Variants in PDE7B observed in about 807,000 individuals in gnomAD.
PDE7B encodes the protein 3',5'-cyclic-AMP phosphodiesterase 7B.
A neutral mutation model predicts 56.2 loss-of-function variants in PDE7B; 29 were observed. That is an observed-to-expected ratio of 0.52 (90% confidence interval 0.38 to 0.70). The LOEUF is 0.70. Among genes scored for constraint, PDE7B ranks in the 30% least tolerant of loss-of-function variants. The probability of loss-of-function intolerance (pLI) is 0.00; values close to 1 mark genes in which losing one functional copy is unlikely to be tolerated. For synonymous variants in PDE7B, 197 were observed against 196.9 expected (o/e 1.00, Z 0.00); for missense variants, 490 against 565.0 (o/e 0.87, Z 1.35).
chr6:135,870,067 TG>T (rs1775346253), intron 1 of PDE7B, among the ~76,000 whole-genome samples: 1 of 151,994 alleles, frequency 6.6e-6, no homozygotes. Flanking sequence ...CTGACTCCAG[TG>T]TGGAGAATGG....
intron 3 of PDE7B, among the ~76,000 whole-genome samples, chr6:136,126,726 C>G (rs927125595): frequency 2.0e-5 from 3 of 152,194 alleles, no homozygotes; most frequent in Admixed American, 2.0e-4. Context: ...ATCGTATGTT[C>G]TCACTCATAA....
intron 3 of PDE7B, among the ~76,000 whole-genome samples, chr6:136,130,459 C>T (rs529374561): frequency 2.4e-4 from 37 of 152,298 alleles, no homozygotes; most frequent in African/African-American, 7.5e-4. Context: ...CAAGTGTGAG[C>T]GGCAAAGTAG....
chr6:135,867,402 A>G (rs1358782396), intron 1 of PDE7B, among the ~76,000 whole-genome samples: 1 of 152,172 alleles, frequency 6.6e-6, no homozygotes, highest in Non-Finnish European at 1.5e-5. Context: ...AAAACATGTT[A>G]ATACATCGTA....
At chr6:136,148,172 A>G (rs1778448066) in intron 4 of PDE7B, among the ~76,000 whole-genome samples, 1 of 152,038 alleles carries the variant, frequency 6.6e-6, no homozygotes, top group Non-Finnish European at 1.5e-5. Context: ...AAGTGATATT[A>G]TACTATTTAT....
chr6:135,922,095 G>T (rs1285170683), intron 1 of PDE7B, among the ~76,000 whole-genome samples: 1 of 152,126 alleles, frequency 6.6e-6, no homozygotes, highest in East Asian at 1.9e-4. Context: ...GGTCAATCTT[G>T]CATCCAAGTT....
intron 1 of PDE7B, among the ~76,000 whole-genome samples, chr6:135,937,189 C>A (rs142146370): frequency 1.8e-3 from 277 of 152,338 alleles, no homozygotes; most frequent in African/African-American, 6.2e-3. Flanking sequence ...AACGTGGCTG[C>A]TGCGTGTGGT....
chr6:136,099,083 T>C (rs561804316), intron 2 of PDE7B, among the ~76,000 whole-genome samples: 98 of 152,236 alleles, frequency 6.4e-4, no homozygotes, highest in African/African-American at 2.3e-3. Context: ...GCTTCATCCA[T>C]GTCCCTGCAA....
At chr6:136,041,859 G>T (rs902840858) in intron 2 of PDE7B, among the ~76,000 whole-genome samples, 2 of 152,122 alleles carry the variant, frequency 1.3e-5, no homozygotes, top group Non-Finnish European at 2.9e-5. Context: ...AGGCATCCGG[G>T]ATCACACACT....
At chr6:135,946,789 T>A (rs146784531) in intron 1 of PDE7B, among the ~76,000 whole-genome samples, 95 of 152,236 alleles carry the variant, frequency 6.2e-4, no homozygotes, top group African/African-American at 2.2e-3. Context: ...TATGTATACA[T>A]TCAAGTACTA....
chr6:136,024,221 C>T (rs150768372), intron 2 of PDE7B, among the ~76,000 whole-genome samples: 5 of 152,090 alleles, frequency 3.3e-5, no homozygotes, highest in African/African-American at 4.8e-5. Context: ...GAAATGGATC[C>T]GGAGAATTTT....
intron 1 of PDE7B, among the ~76,000 whole-genome samples, chr6:135,928,398 A>G (rs1774225501): frequency 1.4e-5 from 2 of 143,822 alleles, no homozygotes; most frequent in African/African-American, 2.5e-5. Context: ...CTAGATGTCC[A>G]TCAATGGCAG....
intron 2 of PDE7B, among the ~76,000 whole-genome samples, chr6:135,957,505 T>C (rs1774818641): frequency 6.6e-6 from 1 of 152,118 alleles, no homozygotes; most frequent in Non-Finnish European, 1.5e-5. Context: ...CTTAACTGCT[T>C]CCCGGTCCTT....
chr6:135,887,016 A>G (rs1288482729), intron 1 of PDE7B, among the ~76,000 whole-genome samples: 1 of 152,034 alleles, frequency 6.6e-6, no homozygotes, highest in African/African-American at 2.4e-5. Flanking sequence ...TCACCACATC[A>G]CACCAACATC....
At chr6:136,101,337 T>C (rs1051019586) in intron 2 of PDE7B, among the ~76,000 whole-genome samples, 2 of 152,218 alleles carry the variant, frequency 1.3e-5, no homozygotes, top group Non-Finnish European at 2.9e-5. Flanking sequence ...TCAGAATGAA[T>C]GTTGCCAGCT....
chr6:136,044,627 T>C (rs1289119158), intron 2 of PDE7B: 2 of 152,214 alleles, frequency 1.3e-5, no homozygotes, highest in South Asian at 2.1e-4. Context: ...TCTCTTCCTA[T>C]AGAGAACTTG....
At chr6:136,048,059 G>A (rs1428712673) in intron 2 of PDE7B, among the ~76,000 whole-genome samples, 2 of 149,914 alleles carry the variant, frequency 1.3e-5, no homozygotes, top group East Asian at 3.9e-4. Flanking sequence ...TGTTGAGGTA[G>A]ATGGATGGAT....
chr6:136,082,328 G>T (rs923120324), intron 2 of PDE7B, among the ~76,000 whole-genome samples: 5 of 152,158 alleles, frequency 3.3e-5, no homozygotes, highest in Non-Finnish European at 2.9e-5. Context: ...GGCACTTGAG[G>T]AGGTCAAACA....
intron 1 of PDE7B, among the ~76,000 whole-genome samples, chr6:135,863,547 G>A (rs1775191721): frequency 6.6e-6 from 1 of 151,972 alleles, no homozygotes; most frequent in Non-Finnish European, 1.5e-5. Flanking sequence ...GGGGGAGTGT[G>A]ATTAGGGAAA....
At chr6:136,089,279 A>G (rs919921521) in intron 2 of PDE7B, among the ~76,000 whole-genome samples, 2 of 152,234 alleles carry the variant, frequency 1.3e-5, no homozygotes, top group Admixed American at 1.3e-4. Flanking sequence ...CCTCTCATAA[A>G]TAACAAAAAA....
Sources: allele counts gnomAD v4.1 joint callset (sites outside exome capture counted in the v4.1 genomes callset), GRCh38; gene constraint gnomAD v4.1.1; transcripts MANE v1.5; gene names NCBI Gene and HGNC (gene_info 2026-07-23, HGNC 2026-07-21).